Variants in DNAH17 observed in about 807,000 individuals in gnomAD.
DNAH17 encodes axonemal beta dynein heavy chain 17.
A neutral mutation model predicts 485.6 loss-of-function variants in DNAH17; 376 were observed. The ratio of observed to expected loss-of-function variants is 0.77; its 90% CI spans 0.71 to 0.84. The LOEUF (loss-of-function observed/expected upper bound fraction) is 0.84. Among genes scored for constraint, DNAH17 ranks in the 40% least tolerant of loss-of-function variants. The pLI, the probability that DNAH17 is intolerant of heterozygous loss-of-function variation, is 0.00. For missense variants in DNAH17, 6,370 were observed against 5,839.3 expected, an observed-to-expected ratio of 1.09 and a Z score of -2.96; for synonymous variants, 3,031 against 2,405.9, an observed-to-expected ratio of 1.26 and a Z score of -7.60.
chr17:78,527,076 G>A (rs1341441258), intron 22 of DNAH17, 80 bp from the exon 23 acceptor site: 20 of 1,252,644 alleles, frequency 1.6e-5, no homozygotes, highest in East Asian at 1.0e-4. Context: ...TTAGAGACTG[G>A]TAAGAAGCTG....
At chr17:78,521,902 C>T (rs1331668800) in intron 25 of DNAH17, among the ~76,000 whole-genome samples, 1 of 152,088 alleles carries the variant, frequency 6.6e-6, no homozygotes, top group Non-Finnish European at 1.5e-5. Context: ...CGAGAGAATC[C>T]TTGAACCCAG....
intron 16 of DNAH17, among the ~76,000 whole-genome samples, chr17:78,546,820 C>T (rs998184189): frequency 5.9e-5 from 9 of 152,096 alleles, no homozygotes; most frequent in African/African-American, 1.9e-4. Context: ...GCAGGAGAAT[C>T]GCTTGAACCC....
intron 26 of DNAH17, among the ~76,000 whole-genome samples, chr17:78,511,979 T>C (rs549814888): frequency 1.3e-5 from 2 of 152,228 alleles, no homozygotes; most frequent in African/African-American, 2.4e-5. Context: ...GGTGCCCCTG[T>C]GCCCTCAGGG....
chr17:78,492,506 G>T, intron 42 of DNAH17, 127 bp downstream of exon 42: 1 of 1,331,404 alleles, frequency 7.5e-7, no homozygotes, highest in Non-Finnish European at 1.0e-6. Context: ...ACCATTGCAG[G>T]CCACGTGCCT....
At chr17:78,539,663 G>C (rs533002827) in intron 18 of DNAH17, 74 bp downstream of exon 18, 2 of 1,269,510 alleles carry the variant, frequency 1.6e-6, no homozygotes, top group East Asian at 2.7e-5. Context: ...TGTTCATCAA[G>C]AAACTAGAAA....
intron 33 of DNAH17, 97 bp from the exon 34 acceptor site, chr17:78,501,970 C>A (rs1183802568): frequency 1.1e-5 from 16 of 1,520,002 alleles, no homozygotes. Flanking sequence ...GGAACACCAC[C>A]ATGCTTTTGT....
chr17:78,567,245 C>T (rs1042491461), intron 9 of DNAH17, 79 bp from the exon 10 acceptor site: 90 of 1,495,750 alleles, frequency 6.0e-5, no homozygotes, highest in Non-Finnish European at 7.4e-5. Flanking sequence ...GCTCTGACCC[C>T]AGGCAGGAGG....
intron 44 of DNAH17, among the ~76,000 whole-genome samples, chr17:78,488,507 TG>T (rs374401478): frequency 9.2e-4 from 140 of 152,310 alleles, no homozygotes; most frequent in African/African-American, 3.3e-3. Flanking sequence ...GGTGTCCCCC[TG>T]AGGACTCCAC....
intron 48 of DNAH17, 77 bp downstream of exon 48, chr17:78,484,791 T>A: frequency 1.1e-6 from 1 of 909,534 alleles, no homozygotes; most frequent in Non-Finnish European, 1.4e-6. Context: ...GGGCTCCGCC[T>A]CTTCCTGCGC....
At chr17:78,528,428 A>C (rs984693769) in intron 22 of DNAH17, among the ~76,000 whole-genome samples, 1 of 151,986 alleles carries the variant, frequency 6.6e-6, no homozygotes. Flanking sequence ...CTAATTTTTT[A>C]AATTTTTTGT....
At chr17:78,461,401 C>G (rs1221881060) in intron 58 of DNAH17, 143 bp downstream of exon 58, 2 of 873,018 alleles carry the variant, frequency 2.3e-6, no homozygotes, top group Non-Finnish European at 1.6e-6. Flanking sequence ...TTCGGGGGTC[C>G]CACTGGTTTA....
Position 78,500,348 on chromosome 17 carries a change from G to A in DNAH17, c.5597C>T (p.Thr1866Ile). ...TTKDLGRALG[T>I]MVYVFNCSEQ... ...GGAGCAGTTGAAGACGTAGACCATG[G>A]TGCCCAGGGCTCTGCCCAGGTCCTT... The change falls in exon 36 of 81, where the codon ACC becomes ATC. Residue 1866 changes from threonine (T) to isoleucine (I), a missense_variant. Physicochemically the swap from Thr to Ile is moderately conservative, Grantham distance 89. Transcript: ENST00000389840. 2 of 1,612,792 alleles carry A rather than the reference G, an allele frequency of 1.2e-6. No individual in the cohort carries two copies. Among genetic ancestry groups the A allele is most frequent in the Middle Eastern group, 1.7e-4 (1 of 6,056 alleles).
chr17:78,425,424 CGACA>C lies in DNAH17; in HGVS notation c.13059_13062del (p.Val4354ArgfsTer2), dbSNP rs760598333. 13 of 1,613,854 alleles carry C rather than the reference CGACA, an allele frequency of 8.1e-6. No individual in the cohort carries two copies. The highest frequency in any genetic ancestry group is 4.5e-5 in the East Asian group (2 of 44,894). ...TCCTCTCGGTTTTTCTTGGTCACCT[CGACA>C]GACAGACACATCTTGTCCAGGGGCC... On this transcript the variant is annotated frameshift_variant, in exon 80 of 81. Transcript: ENST00000389840. LOFTEE classifies it high-confidence loss of function.
chr17:78,429,686 C>T (rs890946299), intron 75 of DNAH17, among the ~76,000 whole-genome samples: 1 of 152,214 alleles, frequency 6.6e-6, no homozygotes. Context: ...GCCTCTCCCA[C>T]TCTGTGTTAC....
chr17:78,542,012 C>T (rs1263180902), intron 17 of DNAH17, among the ~76,000 whole-genome samples: 2 of 152,010 alleles, frequency 1.3e-5, no homozygotes, highest in African/African-American at 2.4e-5. Flanking sequence ...ACAATAGGAA[C>T]AGCCAATAAT....
In DNAH17 at chr17:78,502,866, AG is replaced by A; in HGVS notation, c.5082+19del. 6.2e-7 allele frequency: 1 copy of A among 1,609,462 alleles called. No individual in the cohort carries two copies. Among genetic ancestry groups the A allele is most frequent in the Non-Finnish European group, 8.5e-7 (1 of 1,177,616 alleles). On this transcript the variant is annotated intron_variant, in intron 32 of 80. Coordinates refer to ENST00000389840, the MANE Select transcript of DNAH17 (RefSeq NM_173628.4). ...TTATCTCAGCCACGAGGCGCCGCCG[AG>A]CCCCCACCCGCCTCAGACCTGGGCT... is the stretch of plus-strand genomic sequence containing the variant.
At chr17:78,424,209 CTGGCAGGAAGGGTGGGGT>C (rs1339925200) in intron 80 of DNAH17, 56 bp from the exon 81 acceptor site, 2 of 1,556,062 alleles carry the variant, frequency 1.3e-6, no homozygotes, top group Non-Finnish European at 1.7e-6. Context: ...GAGGGAGGGG[CTGGCAGGAAGGGTGGGGT>C]CCTCACACTC....
intron 31 of DNAH17, among the ~76,000 whole-genome samples, chr17:78,503,289 C>G (rs1450535458): frequency 4.0e-5 from 6 of 149,654 alleles, no homozygotes; most frequent in Non-Finnish European, 8.9e-5. Flanking sequence ...ACGCCATTCT[C>G]CTGCCTCAGC....
chr17:78,572,753 GC>G lies in DNAH17; in HGVS notation c.486del (p.Pro163LeufsTer46). The G allele has an allele frequency of 1.2e-6, 2 of 1,613,046 alleles. No individual in the cohort carries two copies. The highest frequency in any genetic ancestry group is 4.5e-5 in the East Asian group (2 of 44,872). On this transcript the variant is annotated frameshift_variant, in exon 3 of 81. Coordinates refer to ENST00000389840, the MANE Select transcript of DNAH17 (RefSeq NM_173628.4). LOFTEE classifies it high-confidence loss of function. ...MSGKIKGKTLLPIPEHLGSLD... is the reference protein window; with the variant it reads ...MSGKIKGKTLXPIPEHLGSLD... ...AGGCTGCCCAGGTGCTCCGGAATAG[GC>G]AGCAAGGTTTTGCCTTTGATCTTGC...
Sources: allele counts gnomAD v4.1 joint callset (sites outside exome capture counted in the v4.1 genomes callset), GRCh38; gene constraint gnomAD v4.1.1; transcripts MANE v1.5; gene names NCBI Gene and HGNC (gene_info 2026-07-23, HGNC 2026-07-21).